Variants in LRTM3 observed in about 807,000 individuals in gnomAD.
LRTM3 encodes the protein leucine-rich repeat transmembrane protein 3.
chr13:102,749,909 G>GT, the LRTM3 span: 1 of 1,551,312 alleles, frequency 6.4e-7, no homozygotes, highest in East Asian at 2.4e-5. Flanking sequence ...CCCTAACTTA[G>GT]TTTTGGGTTT....
the LRTM3 span, chr13:102,735,108 G>A: frequency 6.4e-7 from 1 of 1,551,076 alleles, no homozygotes; most frequent in Non-Finnish European, 8.7e-7. Flanking sequence ...ATGACACCTG[G>A]CCCACTTTTA....
chr13:102,746,926 T>C, the LRTM3 span: 16 of 1,551,092 alleles, frequency 1.0e-5, no homozygotes, highest in Non-Finnish European at 1.3e-5. Flanking sequence ...CAGCATGAGA[T>C]AGTTCCATTA....
chr13:102,741,143 T>C, the LRTM3 span: 2 of 1,549,072 alleles, frequency 1.3e-6, no homozygotes, highest in African/African-American at 2.7e-5. Context: ...TTTATTCTGA[T>C]AATAATTACT....
the LRTM3 span, chr13:102,750,212 C>T: frequency 6.4e-7 from 1 of 1,551,310 alleles, no homozygotes; most frequent in Non-Finnish European, 8.7e-7. Context: ...CAAAGATGAG[C>T]TGATTCCATT....
the LRTM3 span, among the ~76,000 whole-genome samples, chr13:102,758,144 G>A: frequency 6.6e-6 from 1 of 152,148 alleles, no homozygotes; most frequent in South Asian, 2.1e-4. Context: ...GTTAGAGTAG[G>A]AAAGCAAGTC....
chr13:102,739,149 C>CT, the LRTM3 span: 1 of 1,550,104 alleles, frequency 6.5e-7, no homozygotes, highest in Admixed American at 2.0e-5. Context: ...TTATTCTGAA[C>CT]TACATTTAGA....
At chr13:102,747,564 C>T in the LRTM3 span, 1 of 1,551,002 alleles carries the variant, frequency 6.4e-7, no homozygotes, top group Non-Finnish European at 8.7e-7. Context: ...CTTTTTACAT[C>T]TTCCTTTTCT....
chr13:102,757,905 A>G, the LRTM3 span, among the ~76,000 whole-genome samples: 5 of 152,214 alleles, frequency 3.3e-5, no homozygotes, highest in Admixed American at 1.3e-4. Context: ...TAATTGTTGA[A>G]TGGATTTCAA....
the LRTM3 span, chr13:102,744,467 T>G: frequency 5.8e-6 from 9 of 1,550,716 alleles, no homozygotes; most frequent in Non-Finnish European, 7.9e-6. Context: ...AAATGAAGTC[T>G]TTAGACCTTC....
At chr13:102,749,119 C>G in the LRTM3 span, 1 of 1,550,066 alleles carries the variant, frequency 6.5e-7, no homozygotes, top group Non-Finnish European at 8.7e-7. Flanking sequence ...ATTCTTTCTT[C>G]TCAGTGTTAT....
the LRTM3 span, chr13:102,733,120 A>C: frequency 6.4e-7 from 1 of 1,551,152 alleles, no homozygotes; most frequent in African/African-American, 1.4e-5. Flanking sequence ...TCTGCTTTCC[A>C]CTTTGAAGGG....
chr13:102,734,235 G>T, the LRTM3 span: 90 of 1,551,162 alleles, frequency 5.8e-5, no homozygotes, highest in African/African-American at 1.2e-3. Flanking sequence ...GACCTATGTG[G>T]TTTTCCTTTT....
At chr13:102,733,767 T>C in the LRTM3 span, 9 of 1,551,368 alleles carry the variant, frequency 5.8e-6, no homozygotes, top group Admixed American at 1.8e-4. Context: ...TCTTCTGACC[T>C]GACTCGTGAA....
chr13:102,730,812 GC>G, the LRTM3 span: 1 of 1,551,520 alleles, frequency 6.4e-7, no homozygotes, highest in Non-Finnish European at 8.7e-7. Context: ...CCAACAGGAA[GC>G]CCCAGGAGAA....
the LRTM3 span, chr13:102,729,762 C>A: frequency 1.3e-6 from 2 of 1,551,726 alleles, no homozygotes; most frequent in African/African-American, 2.7e-5. Flanking sequence ...GACTCATAAT[C>A]ATACACTCTC....
At chr13:102,732,972 G>C in the LRTM3 span, 2 of 1,551,428 alleles carry the variant, frequency 1.3e-6, no homozygotes, top group Non-Finnish European at 1.7e-6. Context: ...CCTTCCTCTT[G>C]TTCTGAAATG....
At chr13:102,738,205 A>G in the LRTM3 span, 1 of 1,550,618 alleles carries the variant, frequency 6.4e-7, no homozygotes, top group Non-Finnish European at 8.7e-7. Context: ...TGTCTTTCTT[A>G]GCTGATATTT....
At chr13:102,739,622 A>C in the LRTM3 span, 8 of 1,550,332 alleles carry the variant, frequency 5.2e-6, no homozygotes, top group Admixed American at 1.4e-4. Flanking sequence ...CTTTATACTG[A>C]GTATATGTGA....
chr13:102,734,362 C>T, the LRTM3 span: 16 of 1,551,252 alleles, frequency 1.0e-5, no homozygotes, highest in Admixed American at 3.9e-5. Context: ...CATCTGCATG[C>T]GTAGCTCTCT....
Sources: gnomAD v4.1 joint callset for allele counts (sites outside exome capture counted in the v4.1 genomes callset) on GRCh38, gnomAD v4.1.1 for gene constraint, MANE v1.5 for transcripts, NCBI Gene and HGNC (gene_info 2026-07-23, HGNC 2026-07-21) for gene names.